The following AGBL4 variants were observed in gnomAD, a reference collection of about 807,000 sequenced individuals.
AGBL4 encodes cytosolic carboxypeptidase 6.
AGBL4 carries 58 observed loss-of-function variants against 66.4 expected under a neutral mutation model. The ratio of observed to expected loss-of-function variants is 0.87; its 90% CI spans 0.71 to 1.09. The LOEUF is 1.09. AGBL4 is among the 50% of genes least tolerant of loss of function. AGBL4 has a pLI of 0.00. For synonymous variants in AGBL4, 234 were observed against 222.9 expected, an observed-to-expected ratio of 1.05 and a Z score of -0.44; for missense variants, 579 against 631.0, an observed-to-expected ratio of 0.92 and a Z score of 0.88.
intron 2 of AGBL4, among the ~76,000 whole-genome samples, chr1:49,708,061 T>C (rs1428665489): frequency 6.6e-6 from 1 of 152,168 alleles, no homozygotes; most frequent in Non-Finnish European, 1.5e-5. Context: ...AGTATCTTTG[T>C]GGTGTTCTCT....
At chr1:48,679,976 G>A (rs1378925468) in intron 6 of AGBL4, among the ~76,000 whole-genome samples, 1 of 152,178 alleles carries the variant, frequency 6.6e-6, no homozygotes, top group Non-Finnish European at 1.5e-5. Context: ...GGGAGAGACT[G>A]CATCCTCTCC....
chr1:49,005,741 C>T (rs1474925223), intron 5 of AGBL4, among the ~76,000 whole-genome samples: 1 of 152,012 alleles, frequency 6.6e-6, no homozygotes, highest in Non-Finnish European at 1.5e-5. Context: ...CAGAACATAA[C>T]CCCTGAGTCC....
chr1:49,877,565 A>T (rs1395343971), intron 1 of AGBL4, among the ~76,000 whole-genome samples: 1 of 151,872 alleles, frequency 6.6e-6, no homozygotes, highest in Non-Finnish European at 1.5e-5. Flanking sequence ...GTTTGCCAGT[A>T]TTTTATTGAG....
At chr1:49,046,994 A>AGG (rs2149059854) in intron 4 of AGBL4, among the ~76,000 whole-genome samples, 1 of 152,218 alleles carries the variant, frequency 6.6e-6, no homozygotes, top group Non-Finnish European at 1.5e-5. Flanking sequence ...AAAAACAAGA[A>AGG]GGGTGCTGTC....
intron 3 of AGBL4, among the ~76,000 whole-genome samples, chr1:49,333,128 ATTTG>A (rs1400178301): frequency 2.0e-5 from 3 of 152,004 alleles, no homozygotes; most frequent in Non-Finnish European, 4.4e-5. Flanking sequence ...GTTCTTGTAA[ATTTG>A]TTTAACCTGC....
chr1:48,955,307 G>T (rs979998474), intron 5 of AGBL4, among the ~76,000 whole-genome samples: 19 of 152,280 alleles, frequency 1.2e-4, no homozygotes, highest in African/African-American at 3.6e-4. Flanking sequence ...GGGTAATGCT[G>T]CAGTTGAGCT....
intron 3 of AGBL4, among the ~76,000 whole-genome samples, chr1:49,434,344 T>C (rs1645852967): frequency 6.6e-6 from 1 of 152,186 alleles, no homozygotes; most frequent in Admixed American, 6.5e-5. Context: ...TAAGAAAATC[T>C]GTCCTTTCAA....
At chr1:48,847,063 G>A (rs994533911) in intron 6 of AGBL4, among the ~76,000 whole-genome samples, 4 of 152,204 alleles carry the variant, frequency 2.6e-5, no homozygotes, top group Non-Finnish European at 4.4e-5. Flanking sequence ...CACTTCGGGA[G>A]GCCGAGGGGG....
At chr1:49,093,451 T>C (rs1485183380) in intron 4 of AGBL4, among the ~76,000 whole-genome samples, 2 of 152,192 alleles carry the variant, frequency 1.3e-5, no homozygotes, top group Admixed American at 6.5e-5. Flanking sequence ...ACTGAAAATA[T>C]AGTAGTAAGC....
chr1:49,600,514 A>C (rs1388182030), intron 3 of AGBL4, among the ~76,000 whole-genome samples: 1 of 152,190 alleles, frequency 6.6e-6, no homozygotes, highest in Non-Finnish European at 1.5e-5. Context: ...TTTGCACATG[A>C]GATGGGTCTC....
chr1:49,581,568 CAGTGGTGA>C, intron 3 of AGBL4, among the ~76,000 whole-genome samples: 1 of 152,284 alleles, frequency 6.6e-6, no homozygotes, highest in African/African-American at 2.4e-5. Flanking sequence ...TGGATTTATG[CAGTGGTGA>C]AAACTACCTG....
intron 2 of AGBL4, among the ~76,000 whole-genome samples, chr1:49,730,716 G>A (rs1220432675): frequency 1.3e-5 from 2 of 152,136 alleles, no homozygotes; most frequent in Admixed American, 6.5e-5. Context: ...CAAGATTTGG[G>A]CTGGTAGCAT....
intron 2 of AGBL4, among the ~76,000 whole-genome samples, chr1:49,722,618 A>T (rs549000041): frequency 1.2e-4 from 18 of 152,272 alleles, no homozygotes; most frequent in Admixed American, 9.2e-4. Context: ...TTCTTCAAAG[A>T]TTAAAAATGC....
chr1:49,407,065 C>CAAAAA (rs57974289), intron 3 of AGBL4, among the ~76,000 whole-genome samples: 2 of 25,906 alleles, frequency 7.7e-5, no homozygotes, highest in African/African-American at 1.2e-4. Context: ...ACTCTGCCTC[C>CAAAAA]AAAAAAAAAA....
At chr1:48,812,548 CA>C (rs1400321723) in intron 6 of AGBL4, among the ~76,000 whole-genome samples, 10 of 152,194 alleles carry the variant, frequency 6.6e-5, no homozygotes, top group African/African-American at 2.4e-4. Flanking sequence ...AGCAGTGAAT[CA>C]GATACATTCC....
intron 3 of AGBL4, among the ~76,000 whole-genome samples, chr1:49,293,142 G>A (rs1406140459): frequency 6.6e-6 from 1 of 152,190 alleles, no homozygotes; most frequent in African/African-American, 2.4e-5. Context: ...CTTGTGTTGT[G>A]CCTGGTCCAG....
intron 9 of AGBL4, among the ~76,000 whole-genome samples, chr1:48,627,283 T>C (rs1264961282): frequency 6.6e-6 from 1 of 152,238 alleles, no homozygotes; most frequent in Non-Finnish European, 1.5e-5. Context: ...GGTGTAATTA[T>C]GTAGAACTGC....
chr1:48,532,471 T>C (rs1242003882), downstream of AGBL4, among the ~76,000 whole-genome samples: 2 of 152,176 alleles, frequency 1.3e-5, no homozygotes, highest in African/African-American at 2.4e-5. Context: ...TATGATCCAA[T>C]TAATCAATGT....
chr1:49,473,271 A>C (rs569383484), intron 3 of AGBL4, among the ~76,000 whole-genome samples: 1 of 152,174 alleles, frequency 6.6e-6, no homozygotes, highest in East Asian at 1.9e-4. Flanking sequence ...ACGGTGTATA[A>C]GTGTTCCTTT....
Sources: allele counts gnomAD v4.1 joint callset (sites outside exome capture counted in the v4.1 genomes callset), GRCh38; gene constraint gnomAD v4.1.1; transcripts MANE v1.5; gene names NCBI Gene and HGNC (gene_info 2026-07-23, HGNC 2026-07-21).